The following ADNP variants were observed in gnomAD, a reference collection of about 807,000 sequenced individuals.
ADNP encodes the protein activity-dependent neuroprotector homeobox protein.
ADNP carries 4 observed loss-of-function variants against 84.9 expected under a neutral mutation model. The ratio of observed to expected loss-of-function variants is 0.05; its 90% CI spans 0.02 to 0.11. The LOEUF (loss-of-function observed/expected upper bound fraction) is 0.11, where lower values mean the gene tolerates loss of function less well. ADNP is among the 10% of genes least tolerant of loss of function. ADNP has a pLI of 1.00. For synonymous variants in ADNP, 554 were observed against 468.1 expected, an observed-to-expected ratio of 1.18 and a Z score of -2.37; for missense variants, 1,132 against 1,326.0, an observed-to-expected ratio of 0.85 and a Z score of 2.27.
At chr20:50,899,083 A>G (rs200610216) in intron 5 of ADNP, among the ~76,000 whole-genome samples, 4 of 151,598 alleles carry the variant, frequency 2.6e-5, no homozygotes, top group African/African-American at 9.8e-5. Context: ...TAGATCAAAG[A>G]TACAGTATTC....
At chr20:50,897,742 G>A (rs186650066) in intron 5 of ADNP, among the ~76,000 whole-genome samples, 132 of 152,230 alleles carry the variant, frequency 8.7e-4, no homozygotes, top group African/African-American at 3.2e-3. Flanking sequence ...TCAAAGAGGT[G>A]GTGTTTGATA....
At chr20:50,895,604 G>A (rs1981301108) in intron 5 of ADNP, among the ~76,000 whole-genome samples, 1 of 152,156 alleles carries the variant, frequency 6.6e-6, no homozygotes, top group African/African-American at 2.4e-5. Context: ...CTGGAGTGCA[G>A]TGGCACAATC....
intron 2 of ADNP, among the ~76,000 whole-genome samples, chr20:50,908,517 G>A (rs1455974404): frequency 6.6e-6 from 1 of 152,162 alleles, no homozygotes; most frequent in Non-Finnish European, 1.5e-5. Flanking sequence ...GCTCATGCCT[G>A]TAATCCCAGC....
intron 5 of ADNP, among the ~76,000 whole-genome samples, chr20:50,898,123 A>C (rs879320794): frequency 5.9e-5 from 9 of 152,214 alleles, no homozygotes; most frequent in Admixed American, 5.9e-4. Flanking sequence ...ATCTGTTTCC[A>C]GAATAGAAAG....
rs1490955734 is a variant in ADNP, at chr20:50,904,796, A to G, written c.-36T>C. The G allele has an allele frequency of 1.3e-5, 2 of 152,216 alleles. No homozygotes were observed. The highest frequency in any genetic ancestry group is 4.8e-5 in the African/African-American group (2 of 41,462). 9.4% of individuals were successfully genotyped at this position (152,216 alleles called of 1,614,324 possible). A position where few individuals can be genotyped will look rare whatever the true frequency, so the allele number is the denominator to read the frequency against. The stretch of plus-strand genomic sequence containing the variant: ...CATCATCATTACAGTTTTGAGTGCC[A>G]GGGTAAAGAGGTTTTTGTTGAATTG... On this transcript the variant is annotated 5_prime_UTR_variant, in exon 3 of 6. Coordinates refer to ENST00000621696, the MANE Select transcript of ADNP (RefSeq NM_001282531.3).
chr20:50,908,740 C>G (rs1982739716), intron 2 of ADNP, among the ~76,000 whole-genome samples: 1 of 151,896 alleles, frequency 6.6e-6, no homozygotes, highest in Non-Finnish European at 1.5e-5. Flanking sequence ...AGCCACTGCA[C>G]TCCAGCCTGG....
At chr20:50,908,834 C>A (rs1366257244) in intron 2 of ADNP, among the ~76,000 whole-genome samples, 1 of 151,826 alleles carries the variant, frequency 6.6e-6, no homozygotes, top group African/African-American at 2.4e-5. Flanking sequence ...ACAAGGGATC[C>A]ATACTTAAGT....
rs1032041942 is a variant in ADNP at position 50,891,085 on chromosome 20, C to G, written c.*320G>C. 2.6e-6 allele frequency: 3 copies of G among 1,132,208 alleles called. No individual in the cohort carries two copies. Among genetic ancestry groups the G allele is most frequent in the Non-Finnish European group, 3.2e-6 (3 of 924,334 alleles). 70.1% of individuals were successfully genotyped at this position (1,132,208 alleles called of 1,614,324 possible). On this transcript the variant is annotated 3_prime_UTR_variant, in exon 6 of 6. Coordinates refer to ENST00000621696, the MANE Select transcript of ADNP (RefSeq NM_001282531.3). The stretch of plus-strand genomic sequence containing the variant: ...TTAGTTTAACACTTCTCAAAGACAT[C>G]TGACCAATCATTTCACAGAGGGAAA...
Position 50,906,866 on chromosome 20 carries a change from C to CA in ADNP, c.-89-2018dup, listed in dbSNP as rs1378295621. ...AAAAGGCTTATAAATAAAGCAGTGA[C>CA]ACTGCTTACTGGGAAATGCTGTACC... On this transcript the variant is annotated intron_variant, in intron 2 of 5. Coordinates refer to ENST00000621696, the MANE Select transcript of ADNP (RefSeq NM_001282531.3). Among the ~76,000 whole-genome samples, 3 of 151,950 alleles carry CA rather than the reference C, an allele frequency of 2.0e-5. No homozygotes were observed. In the East Asian group the frequency reaches 5.8e-4, roughly 29 times the overall value.
chr20:50,891,360 G>A lies in ADNP; in HGVS notation c.*45C>T. 6.5e-7 allele frequency: 1 copy of A among 1,531,320 alleles called. No homozygotes were observed. 94.9% of individuals were successfully genotyped at this position (1,531,320 alleles called of 1,614,324 possible). A position where few individuals can be genotyped will look rare whatever the true frequency, so the allele number is the denominator to read the frequency against. ...AGCTTTGCAGTCACACTGGATATCA[G>A]AGTTCCAGGCTGCAGCATGTCACCA... is the stretch of plus-strand genomic sequence containing the variant. On this transcript the variant is annotated 3_prime_UTR_variant, in exon 6 of 6. Coordinates refer to ENST00000621696, the MANE Select transcript of ADNP (RefSeq NM_001282531.3).
chr20:50,904,144 G>GAC, intron 3 of ADNP, 143 bp from the exon 4 acceptor site: 3 of 619,522 alleles, frequency 4.8e-6, no homozygotes, highest in Non-Finnish European at 8.5e-6. Flanking sequence ...TACACACACA[G>GAC]ACACACACCT....
At chr20:50,920,951 A>G (rs2426210) in intron 2 of ADNP, among the ~76,000 whole-genome samples, 77,611 of 152,050 alleles carry the variant, frequency 0.51, 23,715 homozygotes, top group African/African-American at 0.87. Context: ...CCCTACAGTT[A>G]GACAGATCTG....
At position 50,913,250 on chromosome 20, in the gene ADNP, C is replaced by CAAAAAAAAAAAAAAAAAA. The variant is rs56911332; in HGVS notation, c.-89-8419_-89-8402dup. ...CCTGGGCAAGAGTGAGACTCTGTCT[C>CAAAAAAAAAAAAAAAAAA]AAAAAAAAAAAAAAAAAAAAAAAAA... is the stretch of plus-strand genomic sequence containing the variant. On this transcript the variant is annotated intron_variant, in intron 2 of 5. Transcript: ENST00000621696. Among the ~76,000 whole-genome samples the CAAAAAAAAAAAAAAAAAA allele has an allele frequency of 6.8e-4, 29 of 42,902 alleles. 5 individuals carry two copies. Among genetic ancestry groups the CAAAAAAAAAAAAAAAAAA allele is most frequent in the African/African-American group, 1.5e-3 (19 of 12,496 alleles). 28.1% of individuals were successfully genotyped at this position (42,902 alleles called of 152,430 possible).
intron 2 of ADNP, among the ~76,000 whole-genome samples, chr20:50,914,781 T>C (rs1041208315): frequency 9.8e-5 from 15 of 152,388 alleles, no homozygotes; most frequent in East Asian, 3.9e-4. Flanking sequence ...GACTCCGTGA[T>C]GTTCCTCCAT....
At position 50,903,648 on chromosome 20, in the gene ADNP, T is replaced by C. The variant is rs117146929; in HGVS notation, c.108+241A>G. Among the ~76,000 whole-genome samples the C allele has an allele frequency of 4.9e-3, 741 of 152,336 alleles. 4 individuals carry two copies. The highest frequency in any genetic ancestry group is 0.024 in the Middle Eastern group (7 of 294). Reference sequence around the variant, plus strand: ...AATGTATAGACAACTTTACGGCACCTAGTTCAACGCCTGACATGCTTAAGT... The same window carrying C: ...AATGTATAGACAACTTTACGGCACCCAGTTCAACGCCTGACATGCTTAAGT... On this transcript the variant is annotated intron_variant, in intron 4 of 5. Transcript: ENST00000621696.
chr20:50,892,048 C>T lies in ADNP; in HGVS notation c.2666G>A (p.Ser889Asn). Residue 889 changes from serine to asparagine, a missense_variant, in exon 6 of 6, where the codon AGT (serine) becomes AAT (asparagine). Transcript: ENST00000621696. Reference sequence around the variant, plus strand: ...AAAAACAGGGTCAAAAGGGCTACCACTTTCATTGGATTCTTCTTCCAAATT... The same window carrying T: ...AAAAACAGGGTCAAAAGGGCTACCATTTTCATTGGATTCTTCTTCCAAATT... ...FENLEEESNE[S>N]GSPFDPVFEV... 6.2e-7 allele frequency: 1 copy of T among 1,614,180 alleles called. No individual in the cohort carries two copies. Among genetic ancestry groups the T allele is most frequent in the Non-Finnish European group, 8.5e-7 (1 of 1,180,032 alleles).
chr20:50,916,204 A>G (rs1983498440), intron 2 of ADNP, among the ~76,000 whole-genome samples: 1 of 152,218 alleles, frequency 6.6e-6, no homozygotes, highest in African/African-American at 2.4e-5. Flanking sequence ...ACGTTTAGTC[A>G]AAGTAATATT....
intron 2 of ADNP, among the ~76,000 whole-genome samples, chr20:50,925,265 C>CAT (rs1440163192): frequency 1.9e-5 from 2 of 107,902 alleles, no homozygotes; most frequent in South Asian, 2.4e-4. Context: ...ACTTCCTATA[C>CAT]ACACACACAC....
Position 50,892,359 on chromosome 20 carries a change from T to C in ADNP, c.2355A>G (p.Glu785=). The change falls in exon 6 of 6, where the codon GAA becomes GAG. Residue 785 remains glutamate (E), a synonymous_variant. Coordinates refer to ENST00000621696, the MANE Select transcript of ADNP (RefSeq NM_001282531.3). ...ATAAACTGGCTGCTAGCTTCTCAAT[T>C]TCTCTCCTGGTGGGATAGGGCTGTT... The part of the protein sequence containing the change: ...FNKQPYPTRR[E]IEKLAASLWL... The C allele has an allele frequency of 6.2e-7, 1 of 1,614,164 alleles. No individual in the cohort carries two copies. The highest frequency in any genetic ancestry group is 1.1e-5 in the South Asian group (1 of 91,084).
Sources: gnomAD v4.1 joint callset for allele counts (sites outside exome capture counted in the v4.1 genomes callset) on GRCh38, gnomAD v4.1.1 for gene constraint, MANE v1.5 for transcripts, NCBI Gene and HGNC (gene_info 2026-07-23, HGNC 2026-07-21) for gene names.